WASF3: variants seen among roughly 807,000 people sequenced by gnomAD.
The protein encoded by WASF3 is WASP family member 3.
Under a neutral mutation model 46.6 loss-of-function variants are expected in WASF3, and 11 were observed. That is an observed-to-expected ratio of 0.24 (90% CI 0.15 to 0.39). The LOEUF (loss-of-function observed/expected upper bound fraction) is 0.39. WASF3 is among the 10% of genes least tolerant of loss of function. The pLI, the probability that WASF3 is intolerant of heterozygous loss-of-function variation, is 1.00. For synonymous variants in WASF3, 242 were observed against 259.7 expected, an observed-to-expected ratio of 0.93 and a Z score of 0.65; for missense variants, 576 against 669.8, an observed-to-expected ratio of 0.86 and a Z score of 1.55.
chr13:26,604,427 A>G (rs1354731811), intron 1 of WASF3, among the ~76,000 whole-genome samples: 1 of 151,742 alleles, frequency 6.6e-6, no homozygotes, highest in African/African-American at 2.4e-5. Context: ...AGGGGGAAAG[A>G]GTCAGGCGGC....
At chr13:26,599,184 C>CTTTTTTTTTTTT (rs57148941) in intron 1 of WASF3, among the ~76,000 whole-genome samples, 1 of 118,292 alleles carries the variant, frequency 8.5e-6, no homozygotes, top group Non-Finnish European at 1.7e-5. Context: ...CTTTTCATTT[C>CTTTTTTTTTTTT]TTTTTTTTTT....
chr13:26,560,795 C>G (rs1209089890), intron 1 of WASF3, among the ~76,000 whole-genome samples: 1 of 152,176 alleles, frequency 6.6e-6, no homozygotes, highest in Non-Finnish European at 1.5e-5. Flanking sequence ...TGTCAGCCCC[C>G]GATGAGCTTG....
At chr13:26,660,232 C>CA (rs1882591594) in intron 3 of WASF3, among the ~76,000 whole-genome samples, 1 of 33,206 alleles carries the variant, frequency 3.0e-5, no homozygotes, top group Admixed American at 3.7e-4. Flanking sequence ...TTTTTTTTAG[C>CA]AAAAAGAACT....
intron 1 of WASF3, among the ~76,000 whole-genome samples, chr13:26,574,600 A>G (rs1879737356): frequency 6.6e-6 from 1 of 152,136 alleles, no homozygotes; most frequent in African/African-American, 2.4e-5. Context: ...ATTTGAAAAT[A>G]TCTTTCTTTT....
At chr13:26,671,486 G>A (rs1882923346) in intron 5 of WASF3, among the ~76,000 whole-genome samples, 1 of 152,128 alleles carries the variant, frequency 6.6e-6, no homozygotes, top group Non-Finnish European at 1.5e-5. Flanking sequence ...GTGTAGAAGT[G>A]AATGTGTTCT....
At chr13:26,653,516 G>A (rs1303401833) in intron 3 of WASF3, among the ~76,000 whole-genome samples, 1 of 152,168 alleles carries the variant, frequency 6.6e-6, no homozygotes, top group Non-Finnish European at 1.5e-5. Context: ...CTAAAATCCA[G>A]TGGCCAGGAT....
At chr13:26,595,749 A>C (rs777317012) in intron 1 of WASF3, among the ~76,000 whole-genome samples, 18 of 152,272 alleles carry the variant, frequency 1.2e-4, no homozygotes, top group South Asian at 1.0e-3. Flanking sequence ...ATCATACCAT[A>C]TTTAACCTTT....
At chr13:26,541,446 A>T in the WASF3 span, among the ~76,000 whole-genome samples, 1 of 152,214 alleles carries the variant, frequency 6.6e-6, no homozygotes, top group Non-Finnish European at 1.5e-5. Context: ...GGATAATCTC[A>T]TAGGAATATT....
upstream of WASF3, among the ~76,000 whole-genome samples, chr13:26,553,588 C>T (rs909613287): frequency 7.2e-5 from 11 of 151,990 alleles, no homozygotes; most frequent in Non-Finnish European, 1.6e-4. Flanking sequence ...GAGGCCGAGG[C>T]GGGCGGATCA....
At chr13:26,617,012 G>C (rs1269779482) in intron 2 of WASF3, among the ~76,000 whole-genome samples, 2 of 152,172 alleles carry the variant, frequency 1.3e-5, no homozygotes, top group Non-Finnish European at 2.9e-5. Context: ...TGTGCTTACT[G>C]TGTGATTGTA....
At chr13:26,617,000 A>G (rs1881154586) in intron 2 of WASF3, among the ~76,000 whole-genome samples, 1 of 152,102 alleles carries the variant, frequency 6.6e-6, no homozygotes, top group African/African-American at 2.4e-5. Flanking sequence ...ATTGAATTGT[A>G]TTGTGCTTAC....
At chr13:26,675,941 G>A (rs1883056883) in intron 6 of WASF3, among the ~76,000 whole-genome samples, 1 of 152,176 alleles carries the variant, frequency 6.6e-6, no homozygotes, top group Admixed American at 6.5e-5. Flanking sequence ...CACGTTTCAA[G>A]AAGCACCTGT....
rs753228057 is a variant in WASF3 at position 26,680,237 on chromosome 13, A to G, written c.717-817A>G. ...TTGCTTTCTTTGGGTTCCCAGACTC[A>G]GACTGCCCCTGCTTCTGCCGCCATG... On this transcript the variant is annotated intron_variant, in intron 7 of 9. Coordinates refer to ENST00000335327, the MANE Select transcript of WASF3 (RefSeq NM_006646.6). 2.6e-6 allele frequency: 4 copies of G among 1,530,320 alleles called. No individual in the cohort carries two copies. The South Asian group carries it at 5.1e-5, about 20-fold the overall frequency. The allele number at this position is 1,530,320 out of a possible 1,614,324, so 94.8% of individuals were successfully genotyped here.
intron 2 of WASF3, among the ~76,000 whole-genome samples, chr13:26,616,564 C>T (rs1427660912): frequency 6.6e-6 from 1 of 151,566 alleles, no homozygotes; most frequent in African/African-American, 2.4e-5. Flanking sequence ...TCCTTTTTAC[C>T]CCAGAATGAA....
intron 6 of WASF3, among the ~76,000 whole-genome samples, chr13:26,675,021 G>T (rs138916948): frequency 1.0e-3 from 153 of 152,226 alleles, no homozygotes; most frequent in African/African-American, 3.6e-3. Context: ...AAGCCTCCGG[G>T]ATGCCTCTGA....
chr13:26,632,823 G>A (rs1566057443), intron 2 of WASF3, among the ~76,000 whole-genome samples: 1 of 152,106 alleles, frequency 6.6e-6, no homozygotes. Context: ...TGGTGGGTAG[G>A]CTATTAATTA....
intron 3 of WASF3, among the ~76,000 whole-genome samples, chr13:26,647,719 C>T (rs573575334): frequency 6.6e-6 from 1 of 150,880 alleles, no homozygotes; most frequent in South Asian, 2.1e-4. Context: ...AAATTCTTCT[C>T]AGGATGTCAC....
intron 1 of WASF3, among the ~76,000 whole-genome samples, chr13:26,575,793 G>T (rs918716316): frequency 6.6e-6 from 1 of 152,036 alleles, no homozygotes; most frequent in Non-Finnish European, 1.5e-5. Flanking sequence ...ATGTTGCTTT[G>T]CTAAGTCTGA....
the WASF3 span, among the ~76,000 whole-genome samples, chr13:26,548,639 C>T: frequency 1.3e-4 from 20 of 152,284 alleles, no homozygotes; most frequent in South Asian, 3.3e-3. Context: ...TTCAGTGGCT[C>T]CTTGTGGTCT....
Sources: gnomAD v4.1 joint callset for allele counts (sites outside exome capture counted in the v4.1 genomes callset) on GRCh38, gnomAD v4.1.1 for gene constraint, MANE v1.5 for transcripts, NCBI Gene and HGNC (gene_info 2026-07-23, HGNC 2026-07-21) for gene names.